The following SYT2 variants were observed in gnomAD, a reference collection of about 807,000 sequenced individuals.
The protein encoded by SYT2 is synaptotagmin-2.
SYT2 carries 15 observed loss-of-function variants against 39.9 expected under a neutral mutation model. The ratio of observed to expected loss-of-function variants is 0.38; its 90% CI spans 0.25 to 0.58. SYT2 has a LOEUF of 0.58. Among genes scored for constraint, SYT2 ranks in the 20% least tolerant of loss-of-function variants. The probability of loss-of-function intolerance (pLI) is 0.70; values close to 1 mark genes in which losing one functional copy is unlikely to be tolerated. For missense variants in SYT2, 389 were observed against 530.3 expected (o/e 0.73, Z 2.62); for synonymous variants, 181 against 204.5 (o/e 0.89, Z 0.98).
At chr1:202,597,042 A>C in intron 8 of SYT2, 79 bp from the exon 9 acceptor site, 2 of 1,281,002 alleles carry the variant, frequency 1.6e-6, no homozygotes, top group East Asian at 2.4e-5. Flanking sequence ...ATCAACCTCT[A>C]CTCCCAATGA....
intron 1 of SYT2, among the ~76,000 whole-genome samples, chr1:202,708,333 T>G (rs1654302770): frequency 6.6e-6 from 1 of 152,008 alleles, no homozygotes; most frequent in Admixed American, 6.5e-5. Context: ...CTCCAGGGAA[T>G]GGTGGGCCAG....
intron 1 of SYT2, among the ~76,000 whole-genome samples, chr1:202,682,118 GC>G (rs1026713102): frequency 1.8e-4 from 28 of 152,318 alleles, no homozygotes; most frequent in African/African-American, 6.7e-4. Flanking sequence ...GTCTTGCCTT[GC>G]CAGTGAGACT....
chr1:202,615,766 C>T (rs907079397), intron 1 of SYT2, among the ~76,000 whole-genome samples: 9 of 152,302 alleles, frequency 5.9e-5, no homozygotes, highest in African/African-American at 2.2e-4. Flanking sequence ...AGTCTTGGCA[C>T]TTACTCTCCC....
At chr1:202,666,515 AG>A (rs1443369968) in intron 1 of SYT2, among the ~76,000 whole-genome samples, 1 of 147,724 alleles carries the variant, frequency 6.8e-6, no homozygotes, top group East Asian at 1.9e-4. Context: ...GGGGTAGGGC[AG>A]GAGAAGAGAA....
intron 1 of SYT2, among the ~76,000 whole-genome samples, chr1:202,679,221 T>A (rs932447380): frequency 6.6e-6 from 1 of 152,174 alleles, no homozygotes. Context: ...CTCCCTTCTC[T>A]GTCTCCCTCC....
At chr1:202,602,876 G>A (rs1445843157) in intron 4 of SYT2, 123 bp downstream of exon 4, 14 of 1,252,830 alleles carry the variant, frequency 1.1e-5, no homozygotes, top group Non-Finnish European at 1.6e-5. Flanking sequence ...TTTCCAGCCT[G>A]CCTCATTCTA....
intron 1 of SYT2, chr1:202,627,362 G>A (rs1691446090): frequency 1.4e-6 from 1 of 721,752 alleles, no homozygotes. Context: ...GGAGGTGGGG[G>A]ATCTCACCAG....
intron 1 of SYT2, among the ~76,000 whole-genome samples, chr1:202,702,977 G>A (rs182400425): frequency 9.6e-4 from 146 of 152,260 alleles, no homozygotes; most frequent in Middle Eastern, 3.4e-3. Context: ...AGCAGAGAAG[G>A]CCCCGCTCCA....
At chr1:202,694,133 A>C (rs1653915038) in intron 1 of SYT2, among the ~76,000 whole-genome samples, 1 of 152,234 alleles carries the variant, frequency 6.6e-6, no homozygotes, top group African/African-American at 2.4e-5. Context: ...ACTGGGGATC[A>C]CATTTCAACA....
Position 202,596,784 on chromosome 1 carries a change from C to T in SYT2, c.1233G>A (p.Val411=), listed in dbSNP as rs557275115. The change falls in exon 9 of 9, where the codon GTG becomes GTA. Residue 411 remains valine, a synonymous_variant. Coordinates refer to ENST00000367268, the MANE Select transcript of SYT2 (RefSeq NM_177402.5). ...ACTTGTTCTTGCCCAGGAGTGCATC[C>T]ACCTCCTCCTCAGGCTTGAGCGAGT... ...QWHSLKPEEE[V]DALLGKNK 80 of 1,614,054 alleles carry T rather than the reference C, an allele frequency of 5.0e-5. 1 individual carries two copies. In the South Asian group the frequency reaches 8.3e-4, roughly 17 times the overall value.
chr1:202,630,110 A>C (rs1192988910), intron 1 of SYT2, among the ~76,000 whole-genome samples: 2 of 152,204 alleles, frequency 1.3e-5, no homozygotes, highest in Non-Finnish European at 2.9e-5. Context: ...TAGAGCAGTT[A>C]CACTGGAGGG....
At chr1:202,705,470 G>A (rs536661862) in intron 1 of SYT2, among the ~76,000 whole-genome samples, 3 of 152,186 alleles carry the variant, frequency 2.0e-5, no homozygotes, top group African/African-American at 4.8e-5. Flanking sequence ...TGAGGTCCCC[G>A]GCTAAAGTGA....
At chr1:202,638,325 A>G (rs533591534) in intron 1 of SYT2, among the ~76,000 whole-genome samples, 1 of 152,214 alleles carries the variant, frequency 6.6e-6, no homozygotes, top group African/African-American at 2.4e-5. Context: ...GAAAGATAAC[A>G]AAACAAAGGA....
chr1:202,599,499 T>G lies in SYT2; in HGVS notation c.920-148A>C. ...CCTCAGAAAGCCCCAAGTCATGCCA[T>G]CCAGTTCAAAGGTGGCAAAAGGCTT... On this transcript the variant is annotated intron_variant, in intron 7 of 8. Transcript: ENST00000367268. The surrounding 1 kb of genome is among the most constrained non-coding windows in gnomAD (Gnocchi z 4.4). 2.1e-6 allele frequency: 2 copies of G among 943,794 alleles called. No homozygotes were observed. The highest frequency in any genetic ancestry group is 4.0e-5 in the South Asian group (2 of 50,608). 58.5% of individuals were successfully genotyped at this position (943,794 alleles called of 1,614,324 possible).
rs960933403 is a variant in SYT2, at chr1:202,591,894, A to T, written c.*4863T>A. 2.0e-5 allele frequency: 3 copies of T among 152,740 alleles called. No homozygotes were observed. The highest frequency in any genetic ancestry group is 7.2e-5 in the African/African-American group (3 of 41,444). The allele number at this position is 152,740 out of a possible 1,614,324, so 9.5% of individuals were successfully genotyped here. A position where few individuals can be genotyped will look rare whatever the true frequency, so the allele number is the denominator to read the frequency against. On this transcript the variant is annotated 3_prime_UTR_variant, in exon 9 of 9. Coordinates refer to ENST00000367268, the MANE Select transcript of SYT2 (RefSeq NM_177402.5). Reference sequence around the variant, plus strand: ...TGTCTGCTCCTCGCCCAGCGTAGAGATGGAGCTGAACTGTGAACCCAGGCC... The same window carrying T: ...TGTCTGCTCCTCGCCCAGCGTAGAGTTGGAGCTGAACTGTGAACCCAGGCC...
rs1351310963 is a variant in SYT2, at chr1:202,628,629, G to A, written c.-17-22840C>T. On this transcript the variant is annotated intron_variant, in intron 1 of 8. Coordinates refer to ENST00000367268, the MANE Select transcript of SYT2 (RefSeq NM_177402.5). The surrounding 1 kb of genome is among the most constrained non-coding windows in gnomAD (Gnocchi z 4.2). ...GCCAGCTCTCTCCTGCCTGACCGGG[G>A]GCCGGGACAGACATGGGAGATAGGG... is the stretch of plus-strand genomic sequence containing the variant. Among the ~76,000 whole-genome samples the A allele has an allele frequency of 1.3e-5, 2 of 152,220 alleles. No homozygotes were observed. Among genetic ancestry groups the A allele is most frequent in the African/African-American group, 2.4e-5 (1 of 41,452 alleles).
chr1:202,659,506 C>A (rs1385411326), intron 1 of SYT2, among the ~76,000 whole-genome samples: 1 of 152,162 alleles, frequency 6.6e-6, no homozygotes, highest in Admixed American at 6.5e-5. Context: ...GAAGTGTGGT[C>A]AGGCTGGCAG....
At chr1:202,649,494 G>C (rs1204303232) in intron 1 of SYT2, among the ~76,000 whole-genome samples, 2 of 152,202 alleles carry the variant, frequency 1.3e-5, no homozygotes, top group Non-Finnish European at 2.9e-5. Context: ...CACTAGGAGA[G>C]AGGATTATTC....
intron 1 of SYT2, chr1:202,631,909 T>C (rs1342869042): frequency 2.0e-6 from 1 of 509,104 alleles, no homozygotes; most frequent in Non-Finnish European, 2.5e-6. Flanking sequence ...CCTCTAAATC[T>C]CTGACATCTC....
Sources: allele counts gnomAD v4.1 joint callset (sites outside exome capture counted in the v4.1 genomes callset), GRCh38; gene constraint gnomAD v4.1.1; non-coding constraint Gnocchi (gnomAD v3.1); transcripts MANE v1.5; gene names NCBI Gene and HGNC (gene_info 2026-07-23, HGNC 2026-07-21).